REV3L: variants seen among roughly 807,000 people sequenced by gnomAD.
REV3L encodes the protein DNA polymerase zeta catalytic subunit.
REV3L carries 69 observed loss-of-function variants against 299.4 expected under a neutral mutation model. The observed-to-expected ratio is 0.23, with a 90% CI of 0.19 to 0.28. REV3L has a LOEUF of 0.28. Among genes scored for constraint, REV3L ranks in the 10% least tolerant of loss-of-function variants. The probability of loss-of-function intolerance (pLI) is 1.00; values close to 1 mark genes in which losing one functional copy is unlikely to be tolerated. For missense variants in REV3L, 3,128 were observed against 3,693.8 expected, an observed-to-expected ratio of 0.85 and a Z score of 3.97; for synonymous variants, 1,238 against 1,271.4, an observed-to-expected ratio of 0.97 and a Z score of 0.56.
intron 18 of REV3L, among the ~76,000 whole-genome samples, chr6:111,353,041 T>A (rs1777732265): frequency 6.6e-6 from 1 of 152,182 alleles, no homozygotes; most frequent in African/African-American, 2.4e-5. Flanking sequence ...AAAGGCCAAG[T>A]GAAATATCAC....
At chr6:111,479,506 C>A (rs560831160) in intron 1 of REV3L, among the ~76,000 whole-genome samples, 3 of 141,246 alleles carry the variant, frequency 2.1e-5, no homozygotes, top group Non-Finnish European at 3.1e-5. Flanking sequence ...TATCCCCCCC[C>A]GCCTTTTTTT....
At chr6:111,410,018 T>C (rs542143434) in intron 3 of REV3L, among the ~76,000 whole-genome samples, 13 of 152,272 alleles carry the variant, frequency 8.5e-5, no homozygotes, top group African/African-American at 3.1e-4. Context: ...CATCAAGTAA[T>C]GTAGGTACTT....
chr6:111,333,052 CAGAA>C lies in REV3L; in HGVS notation c.7925+67_7925+70del, dbSNP rs1775551978. ...AAGGTGTCCAGAGCAAAGAGACACT[CAGAA>C]AGTGTCTAATTTTAGTAAGAAGTAC... On this transcript the variant is annotated intron_variant, in intron 23 of 31. Transcript: ENST00000368802. The C allele has an allele frequency of 3.9e-6, 6 of 1,545,576 alleles. No homozygotes were observed. The South Asian group carries it at 7.2e-5, about 18-fold the overall frequency.
upstream of REV3L, chr6:111,483,517 G>T: frequency 1.9e-6 from 1 of 526,976 alleles, no homozygotes; most frequent in African/African-American, 2.0e-5. Context: ...GCTCCGAGGG[G>T]CTTGCGGGAG....
At chr6:111,442,837 GA>G (rs1788426229) in intron 1 of REV3L, among the ~76,000 whole-genome samples, 2 of 152,180 alleles carry the variant, frequency 1.3e-5, no homozygotes, top group African/African-American at 2.4e-5. Context: ...CTGCTTTAAA[GA>G]TTTTTATTAA....
In REV3L at chr6:111,307,947, C is replaced by A. The variant is rs186743655; in HGVS notation, c.9043-377G>T. On this transcript the variant is annotated intron_variant, in intron 30 of 31. Transcript: ENST00000368802. ...CTATCCCTCCCCCAGCTCCCCACCCCCCGACAGGCCCTGGTGTGTGATGTT... is the reference window on the plus strand; with the variant it reads ...CTATCCCTCCCCCAGCTCCCCACCCACCGACAGGCCCTGGTGTGTGATGTT... The A allele has an allele frequency of 1.4e-3, 403 of 280,468 alleles. 4 individuals are homozygous for A. The highest frequency in any genetic ancestry group is 4.9e-3 in the East Asian group (48 of 9,778). The allele number at this position is 280,468 out of a possible 1,614,324, so 17.4% of individuals were successfully genotyped here. A position where few individuals can be genotyped will look rare whatever the true frequency, so the allele number is the denominator to read the frequency against.
chr6:111,431,731 A>T, intron 1 of REV3L: 1 of 874,762 alleles, frequency 1.1e-6, no homozygotes, highest in Non-Finnish European at 1.9e-6. Flanking sequence ...GACAGAAGAT[A>T]CTGAAGAACC....
At chr6:111,453,799 C>T (rs911658384) in intron 1 of REV3L, among the ~76,000 whole-genome samples, 4 of 152,014 alleles carry the variant, frequency 2.6e-5, no homozygotes, top group Non-Finnish European at 4.4e-5. Context: ...GCCTGGCCAG[C>T]ATGGTGAAAC....
At chr6:111,465,438 T>C (rs535686189) in intron 1 of REV3L, among the ~76,000 whole-genome samples, 5 of 151,560 alleles carry the variant, frequency 3.3e-5, no homozygotes, top group South Asian at 2.1e-4. Context: ...ACCTCAATTA[T>C]AGCAAATTTT....
intron 5 of REV3L, among the ~76,000 whole-genome samples, chr6:111,391,711 T>C (rs1050620032): frequency 1.3e-5 from 2 of 152,322 alleles, no homozygotes; most frequent in South Asian, 4.1e-4. Context: ...CTGAGCAATA[T>C]AGTGAGACCT....
Position 111,329,608 on chromosome 6 carries a change from A to G in REV3L, c.8165T>C (p.Leu2722Ser). The change falls in exon 25 of 32, where the codon TTG becomes TCG. Residue 2722 changes from leucine to serine, a missense_variant. Physicochemically the swap from Leu to Ser is moderately radical, Grantham distance 145. This residue lies in a region of REV3L where 53 missense variants were observed against 57.4 expected (regional missense o/e 0.92). Transcript: ENST00000368802. Reference sequence around the variant, plus strand: ...GACATTTGCTATCAGCTTAAGTCCCAACTGACGCGCATCAAGCATTCGTGA... The same window carrying G: ...GACATTTGCTATCAGCTTAAGTCCCGACTGACGCGCATCAAGCATTCGTGA... ...ALSRMLDARQ[L>S]GLKLIANVTF... is the part of the protein sequence containing the mutation. 1 of 1,614,144 alleles carries G rather than the reference A, an allele frequency of 6.2e-7. No individual in the cohort carries two copies. The highest frequency in any genetic ancestry group is 8.5e-7 in the Non-Finnish European group (1 of 1,180,020).
At chr6:111,412,891 C>G (rs1331394193) in intron 2 of REV3L, among the ~76,000 whole-genome samples, 1 of 152,010 alleles carries the variant, frequency 6.6e-6, no homozygotes, top group Non-Finnish European at 1.5e-5. Flanking sequence ...CATTTCAGAC[C>G]CTCTAACTCG....
chr6:111,387,380 G>A (rs17510761), intron 9 of REV3L, among the ~76,000 whole-genome samples: 8,543 of 152,096 alleles, frequency 0.056, 276 homozygotes, highest in Middle Eastern at 0.085. Context: ...TGAATTATAC[G>A]CTTAAAATGA....
intron 3 of REV3L, 66 bp downstream of exon 3, chr6:111,411,414 A>AT (rs961977534): frequency 2.4e-5 from 26 of 1,092,122 alleles, no homozygotes; most frequent in African/African-American, 9.7e-5. Flanking sequence ...TTCTTTCTAG[A>AT]TTTTTTTTAT....
At chr6:111,336,277 T>C (rs1380272339) in intron 21 of REV3L, among the ~76,000 whole-genome samples, 1 of 152,072 alleles carries the variant, frequency 6.6e-6, no homozygotes, top group African/African-American at 2.4e-5. Context: ...AGAATTTTAA[T>C]ATTATAAGAT....
chr6:111,343,300 C>A lies in REV3L; in HGVS notation c.7538+625G>T, dbSNP rs987901506. Among the ~76,000 whole-genome samples, 3 of 152,062 alleles carry A rather than the reference C, an allele frequency of 2.0e-5. No homozygotes were observed. The South Asian group carries it at 6.2e-4, about 32-fold the overall frequency. ...TATGTTTTCTGAGTTTCTTCAAAGCCAAGATAGATTATGAATATTTCCATT... is the reference window on the plus strand; with the variant it reads ...TATGTTTTCTGAGTTTCTTCAAAGCAAAGATAGATTATGAATATTTCCATT... On this transcript the variant is annotated intron_variant, in intron 21 of 31. Coordinates refer to ENST00000368802, the MANE Select transcript of REV3L (RefSeq NM_001372078.1).
chr6:111,425,877 C>A (rs1253762476), intron 1 of REV3L, among the ~76,000 whole-genome samples: 3 of 152,190 alleles, frequency 2.0e-5, no homozygotes, highest in Non-Finnish European at 4.4e-5. Context: ...AATAGAAATT[C>A]CAGAATTGAA....
rs1773421948 is a variant in REV3L, at chr6:111,315,501, T to C, written c.8352-120A>G. 5 of 667,224 alleles carry C rather than the reference T, an allele frequency of 7.5e-6. No homozygotes were observed. The South Asian group carries it at 9.6e-5, about 13-fold the overall frequency. 41.3% of individuals were successfully genotyped at this position (667,224 alleles called of 1,614,324 possible). ...GCCAAAGAAAACTCCCTTTCTCCTA[T>C]TTACTCTTTAAGATGCTTTCTATGT... On this transcript the variant is annotated intron_variant, in intron 26 of 31. Coordinates refer to ENST00000368802, the MANE Select transcript of REV3L (RefSeq NM_001372078.1).
At position 111,316,101 on chromosome 6, in the gene REV3L, G is replaced by C. The variant is rs17511420; in HGVS notation, c.8352-720C>G. On this transcript the variant is annotated intron_variant, in intron 26 of 31. Transcript: ENST00000368802. ...TAAAATATAAAAATTAGCCAGGCCTGGTGGCATGTGCCTATAATCCCAGCA... is the reference window on the plus strand; with the variant it reads ...TAAAATATAAAAATTAGCCAGGCCTCGTGGCATGTGCCTATAATCCCAGCA... Among the ~76,000 whole-genome samples, 971 of 152,160 alleles carry C rather than the reference G, an allele frequency of 6.4e-3. 3 individuals carry two copies. The highest frequency in any genetic ancestry group is 0.011 in the Non-Finnish European group (758 of 67,976).
Sources: allele counts gnomAD v4.1 joint callset (sites outside exome capture counted in the v4.1 genomes callset), GRCh38; gene constraint gnomAD v4.1.1; regional missense constraint gnomAD v4.1.1; transcripts MANE v1.5; gene names NCBI Gene and HGNC (gene_info 2026-07-23, HGNC 2026-07-21).